Variants in RNF13 observed in about 807,000 individuals in gnomAD.
RNF13 encodes E3 ubiquitin-protein ligase RNF13.
A neutral mutation model predicts 37.7 loss-of-function variants in RNF13; 19 were observed. The ratio of observed to expected loss-of-function variants is 0.50; its 90% CI spans 0.35 to 0.74. The LOEUF is 0.74. RNF13 is among the 30% of genes least tolerant of loss of function. The probability of loss-of-function intolerance (pLI) is 0.01; values close to 1 mark genes in which losing one functional copy is unlikely to be tolerated. For missense variants in RNF13, 375 were observed against 453.0 expected, an observed-to-expected ratio of 0.83 and a Z score of 1.56; for synonymous variants, 144 against 157.8, an observed-to-expected ratio of 0.91 and a Z score of 0.65.
At chr3:149,919,244 C>A (rs1231883300) in intron 7 of RNF13, among the ~76,000 whole-genome samples, 1 of 152,158 alleles carries the variant, frequency 6.6e-6, no homozygotes, top group Non-Finnish European at 1.5e-5. Flanking sequence ...ATCACTTATG[C>A]ATATGTATAT....
intron 4 of RNF13, among the ~76,000 whole-genome samples, chr3:149,886,626 G>A (rs1342008725): frequency 2.0e-5 from 3 of 152,062 alleles, no homozygotes; most frequent in Admixed American, 1.3e-4. Flanking sequence ...GGCTAGAACT[G>A]CCTGTACAAT....
At chr3:149,959,673 C>T (rs1425488704) in intron 8 of RNF13, among the ~76,000 whole-genome samples, 1 of 152,170 alleles carries the variant, frequency 6.6e-6, no homozygotes, top group Non-Finnish European at 1.5e-5. Flanking sequence ...TATAGTTAAA[C>T]ATTTGAGTAT....
At chr3:149,832,979 C>T (rs1448364733) in intron 1 of RNF13, among the ~76,000 whole-genome samples, 1 of 152,076 alleles carries the variant, frequency 6.6e-6, no homozygotes, top group African/African-American at 2.4e-5. Flanking sequence ...TTCTCAAACT[C>T]TTCCCAAAAA....
At chr3:149,856,319 T>A (rs1723644695) in intron 3 of RNF13, among the ~76,000 whole-genome samples, 1 of 152,178 alleles carries the variant, frequency 6.6e-6, no homozygotes, top group Non-Finnish European at 1.5e-5. Flanking sequence ...TACAAGGACT[T>A]GATAATAATG....
At chr3:149,940,258 C>G (rs1455838000) in intron 8 of RNF13, among the ~76,000 whole-genome samples, 2 of 152,096 alleles carry the variant, frequency 1.3e-5, no homozygotes, top group African/African-American at 4.8e-5. Context: ...ATTTGACTTT[C>G]AAATAACACT....
chr3:149,833,527 A>C (rs1447793171), intron 1 of RNF13, among the ~76,000 whole-genome samples: 1 of 152,138 alleles, frequency 6.6e-6, no homozygotes, highest in Non-Finnish European at 1.5e-5. Flanking sequence ...ACACATAATC[A>C]CTTCAATAGA....
At chr3:149,842,675 A>G (rs1242425958) in intron 1 of RNF13, among the ~76,000 whole-genome samples, 1 of 152,218 alleles carries the variant, frequency 6.6e-6, no homozygotes, top group Non-Finnish European at 1.5e-5. Context: ...GTGTTTTTCT[A>G]AAAAGAAAAA....
chr3:149,868,877 T>G (rs533579476), intron 3 of RNF13, among the ~76,000 whole-genome samples: 1 of 151,972 alleles, frequency 6.6e-6, no homozygotes, highest in Non-Finnish European at 1.5e-5. Flanking sequence ...TAGCTGGTTA[T>G]TTACATCTTT....
chr3:149,868,236 C>T (rs2108433751), intron 3 of RNF13, among the ~76,000 whole-genome samples: 1 of 151,770 alleles, frequency 6.6e-6, no homozygotes, highest in East Asian at 1.9e-4. Context: ...GGGTGGATTG[C>T]ACACCACAAT....
chr3:149,934,521 A>G (rs1406616031), intron 8 of RNF13, among the ~76,000 whole-genome samples: 2 of 152,060 alleles, frequency 1.3e-5, no homozygotes, highest in East Asian at 3.9e-4. Context: ...CTTGTCCCAT[A>G]GATTTTGATA....
At chr3:149,893,423 G>A (rs749488147) in intron 4 of RNF13, among the ~76,000 whole-genome samples, 16 of 152,104 alleles carry the variant, frequency 1.1e-4, no homozygotes, top group Non-Finnish European at 2.2e-4. Flanking sequence ...TGTGTCTTTG[G>A]CAACAGTTAC....
At chr3:149,867,516 C>T (rs182072282) in intron 3 of RNF13, among the ~76,000 whole-genome samples, 42 of 151,224 alleles carry the variant, frequency 2.8e-4, no homozygotes, top group Non-Finnish European at 5.5e-4. Flanking sequence ...CCACCTGCCT[C>T]GGCCTCCCAA....
chr3:149,912,937 C>T (rs1349607864), intron 7 of RNF13, among the ~76,000 whole-genome samples: 1 of 152,034 alleles, frequency 6.6e-6, no homozygotes, highest in Non-Finnish European at 1.5e-5. Context: ...TATTTGAAAA[C>T]AGAAGCAGTT....
chr3:149,931,056 T>C (rs190061325), intron 8 of RNF13, among the ~76,000 whole-genome samples: 73 of 152,136 alleles, frequency 4.8e-4, no homozygotes, highest in African/African-American at 1.8e-3. Context: ...TGTGTGTGTT[T>C]TTGTTTTTTT....
At chr3:149,957,984 A>C (rs2108616362) in intron 8 of RNF13, among the ~76,000 whole-genome samples, 1 of 152,284 alleles carries the variant, frequency 6.6e-6, no homozygotes, top group East Asian at 1.9e-4. Flanking sequence ...TGTACCTTGG[A>C]ATCTTGACCT....
At chr3:149,929,666 AGTTGTT>A (rs144103106) in intron 8 of RNF13, among the ~76,000 whole-genome samples, 1 of 151,982 alleles carries the variant, frequency 6.6e-6, no homozygotes, top group Non-Finnish European at 1.5e-5. Flanking sequence ...TTTAGTTGTG[AGTTGTT>A]GTTGTTGTTT....
chr3:149,916,950 C>G (rs539511975), intron 7 of RNF13, among the ~76,000 whole-genome samples: 1 of 152,052 alleles, frequency 6.6e-6, no homozygotes, highest in Non-Finnish European at 1.5e-5. Flanking sequence ...AGCTGAAACC[C>G]ACAACTTTTG....
chr3:149,895,832 A>G (rs775906130), intron 5 of RNF13, among the ~76,000 whole-genome samples: 1 of 152,206 alleles, frequency 6.6e-6, no homozygotes, highest in Non-Finnish European at 1.5e-5. Flanking sequence ...AGGGATAAAC[A>G]TGCTGAGTTA....
intron 1 of RNF13, among the ~76,000 whole-genome samples, chr3:149,844,787 T>C (rs1722490498): frequency 6.6e-6 from 1 of 152,226 alleles, no homozygotes; most frequent in Non-Finnish European, 1.5e-5. Context: ...GATACAATTC[T>C]CACATTATAA....
Sources: allele counts gnomAD v4.1 joint callset (sites outside exome capture counted in the v4.1 genomes callset), GRCh38; gene constraint gnomAD v4.1.1; transcripts MANE v1.5; gene names NCBI Gene and HGNC (gene_info 2026-07-23, HGNC 2026-07-21).